Variants in HDAC8 observed in about 807,000 individuals in gnomAD.
The protein encoded by HDAC8 is histone deacetylase-like 1.
HDAC8 carries 1 observed loss-of-function variant against 32.2 expected under a neutral mutation model. The ratio of observed to expected loss-of-function variants is 0.03; its 90% confidence interval spans 0.01 to 0.15. HDAC8 has a LOEUF of 0.15. Ranked by LOEUF, HDAC8 falls within the 10% of genes least tolerant of loss-of-function variation. HDAC8 has a pLI of 1.00. For missense variants in HDAC8, 117 were observed against 300.0 expected, an observed-to-expected ratio of 0.39 and a Z score of 4.51; for synonymous variants, 108 against 113.9, an observed-to-expected ratio of 0.95 and a Z score of 0.33.
At chrX:72,554,289 T>G (rs181524205) in intron 4 of HDAC8, among the ~76,000 whole-genome samples, 1 of 110,838 alleles carries the variant, frequency 9.0e-6, no homozygotes, top group Admixed American at 9.6e-5. Context: ...CTCCTAAAAC[T>G]ACCCCAGGAA....
intron 4 of HDAC8, among the ~76,000 whole-genome samples, chrX:72,532,177 T>C (rs782662662): frequency 1.8e-5 from 2 of 109,876 alleles, no homozygotes; most frequent in Admixed American, 2.0e-4. Context: ...CTTGAACTCC[T>C]GGGCTCAAGC....
At chrX:72,458,449 T>C (rs1788675324) in intron 9 of HDAC8, among the ~76,000 whole-genome samples, 1 of 112,455 alleles carries the variant, frequency 8.9e-6, no homozygotes, top group Non-Finnish European at 1.9e-5. Context: ...TAATATAATG[T>C]TCTCCCATGG....
intron 4 of HDAC8, among the ~76,000 whole-genome samples, chrX:72,534,604 C>T (rs190885872): frequency 6.6e-4 from 73 of 111,304 alleles, no homozygotes; most frequent in Non-Finnish European, 8.3e-4. Flanking sequence ...CCATTGCATC[C>T]GGCCCCTAGC....
At chrX:72,478,409 T>A (rs930146845) in intron 7 of HDAC8, among the ~76,000 whole-genome samples, 1 of 111,182 alleles carries the variant, frequency 9.0e-6, no homozygotes. Flanking sequence ...AGGATAGATA[T>A]TTTTCCACTT....
chrX:72,462,826 G>C (rs2047902839), intron 8 of HDAC8, among the ~76,000 whole-genome samples: 1 of 112,000 alleles, frequency 8.9e-6, no homozygotes, highest in Non-Finnish European at 1.9e-5. Context: ...AATTCTAAGA[G>C]TATAAGGGTA....
At chrX:72,511,455 C>T (rs2049580408) in intron 4 of HDAC8, among the ~76,000 whole-genome samples, 1 of 111,626 alleles carries the variant, frequency 9.0e-6, no homozygotes, top group African/African-American at 3.3e-5. Context: ...GCAGCTGTCT[C>T]GGGCTTAATA....
intron 9 of HDAC8, among the ~76,000 whole-genome samples, chrX:72,448,011 A>T (rs1370303847): frequency 8.9e-6 from 1 of 112,346 alleles, no homozygotes; most frequent in African/African-American, 3.2e-5. Flanking sequence ...CATACTGCCC[A>T]AAGTAATTTA....
chrX:72,425,054 T>C (rs1324797761), intron 9 of HDAC8, among the ~76,000 whole-genome samples: 3 of 112,114 alleles, frequency 2.7e-5, no homozygotes, highest in Non-Finnish European at 5.6e-5. Flanking sequence ...TTTGATTCTT[T>C]TGGCTATATA....
At chrX:72,340,784 C>T (rs1358698451) in intron 10 of HDAC8, among the ~76,000 whole-genome samples, 1 of 111,823 alleles carries the variant, frequency 8.9e-6, no homozygotes, top group Admixed American at 9.5e-5. Flanking sequence ...TCCTTCTGCA[C>T]ACCCTGGTTT....
chrX:72,410,599 A>G (rs2046163665), intron 9 of HDAC8, among the ~76,000 whole-genome samples: 2 of 112,008 alleles, frequency 1.8e-5, no homozygotes, highest in Non-Finnish European at 3.8e-5. Flanking sequence ...GCAGTAAAAC[A>G]AAGAGGTTCC....
At position 72,379,256 on chromosome X, in the gene HDAC8, A is replaced by G. The variant is rs540938239; in HGVS notation, c.1006-27418T>C. 6.4e-4 allele frequency among the ~76,000 whole-genome samples: 71 copies of G among 111,631 alleles called. No homozygotes were observed. In the South Asian group the frequency reaches 0.026, roughly 41 times the overall value. ...CTTTAAATTTTGGTACATATTTAAA[A>G]TACCTAATTTAAAGTCTTTGTCTAG... On this transcript the variant is annotated intron_variant, in intron 9 of 10. Coordinates refer to ENST00000373573, the MANE Select transcript of HDAC8 (RefSeq NM_018486.3).
chrX:72,427,315 C>A (rs1410182200), intron 9 of HDAC8, among the ~76,000 whole-genome samples: 1 of 110,548 alleles, frequency 9.0e-6, no homozygotes, highest in Non-Finnish European at 1.9e-5. Flanking sequence ...TATTGCAGCA[C>A]TATTCACAAT....
At chrX:72,428,196 C>T (rs1204026845) in intron 9 of HDAC8, among the ~76,000 whole-genome samples, 3 of 112,220 alleles carry the variant, frequency 2.7e-5, no homozygotes, top group South Asian at 3.7e-4. Flanking sequence ...CAGGTTCACG[C>T]GATTCTCCTG....
intron 9 of HDAC8, among the ~76,000 whole-genome samples, chrX:72,459,797 T>G (rs1282701673): frequency 9.0e-6 from 1 of 111,611 alleles, no homozygotes; most frequent in Non-Finnish European, 1.9e-5. Flanking sequence ...ACATAATGGG[T>G]GCTCAGCAAA....
intron 10 of HDAC8, among the ~76,000 whole-genome samples, chrX:72,342,727 A>G (rs1454563738): frequency 1.8e-5 from 2 of 111,937 alleles, no homozygotes; most frequent in Non-Finnish European, 3.8e-5. Context: ...AACAATCAGC[A>G]GCTCTGCCAG....
intron 9 of HDAC8, among the ~76,000 whole-genome samples, chrX:72,448,030 A>G (rs782505116): frequency 3.3e-4 from 37 of 112,231 alleles, no homozygotes; most frequent in African/African-American, 1.0e-3. Context: ...TATAGATTCA[A>G]TGCTATCCCT....
chrX:72,471,570 C>T (rs782186302), intron 7 of HDAC8, among the ~76,000 whole-genome samples: 9 of 112,275 alleles, frequency 8.0e-5, no homozygotes, highest in East Asian at 2.8e-4. Flanking sequence ...TAGCATCTCA[C>T]TGTGGTTTTG....
At chrX:72,431,613 G>A (rs1049063676) in intron 9 of HDAC8, among the ~76,000 whole-genome samples, 3 of 108,954 alleles carry the variant, frequency 2.8e-5, no homozygotes, top group Non-Finnish European at 3.8e-5. Flanking sequence ...TTTCTTTACC[G>A]TCTATTCACC....
chrX:72,447,320 G>A (rs1183154789), intron 9 of HDAC8, among the ~76,000 whole-genome samples: 3 of 111,991 alleles, frequency 2.7e-5, no homozygotes, highest in Non-Finnish European at 5.6e-5. Context: ...CACATAAACA[G>A]AACCAACGAC....
Sources: gnomAD v4.1 joint callset for allele counts (sites outside exome capture counted in the v4.1 genomes callset) on GRCh38, gnomAD v4.1.1 for gene constraint, MANE v1.5 for transcripts, NCBI Gene and HGNC (gene_info 2026-07-23, HGNC 2026-07-21) for gene names.